Variants in FBF1 observed in about 807,000 individuals in gnomAD.
FBF1 encodes the protein Fas binding factor 1, also known as fas-binding factor 1.
Under a neutral mutation model 147.2 loss-of-function variants are expected in FBF1, and 119 were observed. The ratio of observed to expected loss-of-function variants is 0.81; its 90% CI spans 0.70 to 0.94. FBF1 has a LOEUF of 0.94. FBF1 is among the 40% of genes least tolerant of loss of function. The probability of loss-of-function intolerance (pLI) is 0.00; values close to 1 mark genes in which losing one functional copy is unlikely to be tolerated. For synonymous variants in FBF1, 601 were observed against 609.0 expected (o/e 0.99, Z 0.19); for missense variants, 1,449 against 1,500.8 (o/e 0.97, Z 0.57).
intron 28 of FBF1, chr17:75,913,439 C>T (rs369035895): frequency 3.9e-5 from 15 of 380,170 alleles, no homozygotes; most frequent in African/African-American, 1.0e-4. Context: ...TGAGCCACCA[C>T]GCCCAGCCTG....
rs967414701 is a variant in FBF1, at chr17:75,928,823, A to C, written c.280-630T>G. On this transcript the variant is annotated intron_variant, in intron 7 of 29. Coordinates refer to ENST00000636174, the MANE Select transcript of FBF1 (RefSeq NM_001319193.2). The surrounding 1 kb of genome is among the most constrained non-coding windows in gnomAD (Gnocchi z 4.2). The stretch of plus-strand genomic sequence containing the variant: ...ACTCCGTCTCAAAAAAATAAAAATA[A>C]ATTAAAAATAAAATAAAATAAAGAC... Among the ~76,000 whole-genome samples the C allele has an allele frequency of 2.0e-5, 3 of 151,978 alleles. No individual in the cohort carries two copies. The highest frequency in any genetic ancestry group is 7.2e-5 in the African/African-American group (3 of 41,382).
intron 2 of FBF1, 62 bp downstream of exon 2, chr17:75,938,085 T>C: frequency 6.2e-7 from 1 of 1,605,282 alleles, no homozygotes. Context: ...GTCAAGATCT[T>C]TGGGGATGCA....
In FBF1 at chr17:75,914,719, T is replaced by G. The variant is rs1198838291; in HGVS notation, c.2814+28A>C. ...GAGGGGCGCAGGCAACCCTGGGCCC[T>G]CCACTGTCCGGAGGCTCTGGGCCCT... On this transcript the variant is annotated intron_variant, in intron 25 of 29. Coordinates refer to ENST00000636174, the MANE Select transcript of FBF1 (RefSeq NM_001319193.2). 5 of 1,515,934 alleles carry G rather than the reference T, an allele frequency of 3.3e-6. No individual in the cohort carries two copies. In the East Asian group the frequency reaches 1.2e-4, roughly 37 times the overall value. 93.9% of individuals were successfully genotyped at this position (1,515,934 alleles called of 1,614,324 possible). A position where few individuals can be genotyped will look rare whatever the true frequency, so the allele number is the denominator to read the frequency against.
chr17:75,931,621 T>G (rs1025318889), intron 5 of FBF1, among the ~76,000 whole-genome samples: 1 of 151,708 alleles, frequency 6.6e-6, no homozygotes, highest in South Asian at 2.1e-4. Flanking sequence ...CCATCTCTAC[T>G]AAAAATACAA....
chr17:75,914,019 C>T lies in FBF1; in HGVS notation c.3023G>A (p.Arg1008Gln), dbSNP rs780604600. Reference sequence around the variant, plus strand: ...CACCTGCTGGGCCTCGCGCAATGCCCGCTCCCCCTCCTCGTACTTCTCGGA... The same window carrying T: ...CACCTGCTGGGCCTCGCGCAATGCCTGCTCCCCCTCCTCGTACTTCTCGGA... ...VASEKYEEGERALREAQQVQA... is the reference protein window; with the variant it reads ...VASEKYEEGEQALREAQQVQA... The change falls in exon 27 of 30, where the codon CGG (arginine) becomes CAG (glutamine). Residue 1008 changes from arginine to glutamine, a missense_variant. Coordinates refer to ENST00000636174, the MANE Select transcript of FBF1 (RefSeq NM_001319193.2). 2.2e-4 allele frequency: 347 copies of T among 1,584,682 alleles called. No homozygotes were observed. The highest frequency in any genetic ancestry group is 2.8e-4 in the Non-Finnish European group (334 of 1,172,928).
Position 75,910,688 on chromosome 17 carries a change from C to T in FBF1, c.*35G>A, listed in dbSNP as rs943641046. On this transcript the variant is annotated 3_prime_UTR_variant, in exon 30 of 30. Coordinates refer to ENST00000636174, the MANE Select transcript of FBF1 (RefSeq NM_001319193.2). This position sits in a 1 kb window ranked among gnomAD's most constrained non-coding sequence, Gnocchi z 4.1. ...GGAGGAACAGGACAGTTCTGGGGTCCGAACCCTCTGTTGGGGAATCGGCTG... is the reference window on the plus strand; with the variant it reads ...GGAGGAACAGGACAGTTCTGGGGTCTGAACCCTCTGTTGGGGAATCGGCTG... The T allele has an allele frequency of 2.5e-5, 39 of 1,578,902 alleles. No homozygotes were observed. The highest frequency in any genetic ancestry group is 3.3e-4 in the Middle Eastern group (2 of 6,030).
intron 6 of FBF1, 147 bp downstream of exon 6, chr17:75,931,082 G>A: frequency 1.3e-6 from 1 of 767,772 alleles, no homozygotes; most frequent in Non-Finnish European, 2.1e-6. Flanking sequence ...GCAACAGAGG[G>A]AGACTCCATC....
At position 75,922,698 on chromosome 17, in the gene FBF1, C is replaced by T. The variant is rs143150262; in HGVS notation, c.1424+488G>A. 6.6e-5 allele frequency among the ~76,000 whole-genome samples: 10 copies of T among 152,212 alleles called. No homozygotes were observed. The highest frequency in any genetic ancestry group is 1.7e-4 in the African/African-American group (7 of 41,444). ...AGAGGTCACTCGCTATCCTGCCCCA[C>T]GGATAAGGGCTTCTCCAAGAGGCGC... On this transcript the variant is annotated intron_variant, in intron 14 of 29. Transcript: ENST00000636174. The surrounding 1 kb of genome is among the most constrained non-coding windows in gnomAD (Gnocchi z 5.0).
rs1401601522 is a variant in FBF1, at chr17:75,935,605, A to C, written c.73+27T>G. On this transcript the variant is annotated intron_variant, in intron 4 of 29. Transcript: ENST00000636174. Reference sequence around the variant, plus strand: ...AAAAGCAACAGCAGCAGCCCAAATTAGGGGATTCTGGGCAAGGCACACTTA... The same window carrying C: ...AAAAGCAACAGCAGCAGCCCAAATTCGGGGATTCTGGGCAAGGCACACTTA... 3 of 1,533,292 alleles carry C rather than the reference A, an allele frequency of 2.0e-6. No homozygotes were observed. In the Admixed American group the frequency reaches 6.0e-5, roughly 31 times the overall value. The allele number at this position is 1,533,292 out of a possible 1,614,324, so 95.0% of individuals were successfully genotyped here.
intron 10 of FBF1, 136 bp from the exon 11 acceptor site, chr17:75,926,562 C>T: frequency 1.5e-6 from 2 of 1,370,650 alleles, no homozygotes; most frequent in Non-Finnish European, 1.9e-6. Flanking sequence ...GTCCACGGGA[C>T]CCAATTCCTC....
At chr17:75,939,659 G>T (rs1448524208) in intron 1 of FBF1, among the ~76,000 whole-genome samples, 1 of 152,102 alleles carries the variant, frequency 6.6e-6, no homozygotes, top group Non-Finnish European at 1.5e-5. Flanking sequence ...GTCTTCCAAA[G>T]TGCTGGGATT....
rs928910202 is a variant in FBF1, at chr17:75,909,681, C to A, written c.*1042G>T. ...GCTGTGGTCCAGCTGCCAGGTGCCA[C>A]CGCAGACCGCAGGTGCTGGAGGGGA... On this transcript the variant is annotated 3_prime_UTR_variant, in exon 30 of 30. Transcript: ENST00000636174. 1.7e-5 allele frequency: 10 copies of A among 573,770 alleles called. No individual in the cohort carries two copies. The African/African-American group carries it at 1.9e-4, about 11-fold the overall frequency. The allele number at this position is 573,770 out of a possible 1,614,324, so 35.5% of individuals were successfully genotyped here. A position where few individuals can be genotyped will look rare whatever the true frequency, so the allele number is the denominator to read the frequency against.
At chr17:75,932,379 A>C (rs1266862380) in intron 5 of FBF1, among the ~76,000 whole-genome samples, 1 of 152,112 alleles carries the variant, frequency 6.6e-6, no homozygotes, top group Non-Finnish European at 1.5e-5. Context: ...CATCTCAAAA[A>C]AAGAGAGAAA....
At position 75,921,416 on chromosome 17, in the gene FBF1, A is replaced by G. The variant is rs902477131; in HGVS notation, c.1615+56T>C. ...AGGGACCCCAAAGGAAGCTCAAAGC[A>G]CCTCTTCCTCACCCAGGGTTAAACT... On this transcript the variant is annotated intron_variant, in intron 16 of 29. Transcript: ENST00000636174. The G allele has an allele frequency of 6.4e-6, 10 of 1,566,900 alleles. No homozygotes were observed. In the African/African-American group the frequency reaches 1.4e-4, roughly 21 times the overall value.
chr17:75,925,976 C>T lies in FBF1; in HGVS notation c.868+54G>A. 5 of 1,536,922 alleles carry T rather than the reference C, an allele frequency of 3.3e-6. No individual in the cohort carries two copies. Among genetic ancestry groups the T allele is most frequent in the Non-Finnish European group, 4.4e-6 (5 of 1,141,954 alleles). ...TTCTCATTATAGGTTGTGATGAAAG[C>T]CTGATCTAGAGGCCTCCCTCCCGTC... On this transcript the variant is annotated intron_variant, in intron 12 of 29. Coordinates refer to ENST00000636174, the MANE Select transcript of FBF1 (RefSeq NM_001319193.2). The surrounding 1 kb of genome is among the most constrained non-coding windows in gnomAD (Gnocchi z 5.0).
chr17:75,940,369 C>T (rs1370060642), intron 1 of FBF1, among the ~76,000 whole-genome samples: 3 of 152,106 alleles, frequency 2.0e-5, no homozygotes, highest in Non-Finnish European at 4.4e-5. Context: ...CCTCCAATGT[C>T]AGCCTCCCTA....
chr17:75,914,901 A>T lies in FBF1; in HGVS notation c.2660T>A (p.Met887Lys). The part of the protein sequence containing the change: ...SALLEEQKSV[M>K]LKCGEERRRL... ...CCGCCGCTCCTCCCCGCACTTGAGC[A>T]TGACAGACTTCTGCTCCTCCAGCAA... Residue 887 changes from methionine (M) to lysine (K), a missense_variant, in exon 25 of 30, where the codon ATG becomes AAG. Transcript: ENST00000636174. The T allele has an allele frequency of 6.2e-7, 1 of 1,612,262 alleles. No individual in the cohort carries two copies. The highest frequency in any genetic ancestry group is 8.5e-7 in the Non-Finnish European group (1 of 1,179,516).
intron 2 of FBF1, 146 bp from the exon 3 acceptor site, chr17:75,937,739 T>C (rs1019083402): frequency 1.2e-6 from 1 of 843,410 alleles, no homozygotes. Flanking sequence ...GTCCTTTATG[T>C]GTTCCTATAG....
intron 13 of FBF1, among the ~76,000 whole-genome samples, chr17:75,924,505 G>A (rs1331959198): frequency 1.3e-5 from 2 of 152,176 alleles, no homozygotes; most frequent in Non-Finnish European, 1.5e-5. Context: ...ACGGAGTCTC[G>A]CTCTATTGCC....
Sources: gnomAD v4.1 joint callset for allele counts (sites outside exome capture counted in the v4.1 genomes callset) on GRCh38, gnomAD v4.1.1 for gene constraint, Gnocchi (gnomAD v3.1) non-coding constraint, MANE v1.5 for transcripts, NCBI Gene and HGNC (gene_info 2026-07-23, HGNC 2026-07-21) for gene names.